Variants in LHFPL2 observed in about 807,000 individuals in gnomAD.
LHFPL2 encodes the protein LHFPL tetraspan subfamily member 2.
LHFPL2 carries 7 observed loss-of-function variants against 17.5 expected under a neutral mutation model. That is an observed-to-expected ratio of 0.40 (90% CI 0.23 to 0.75). The LOEUF (loss-of-function observed/expected upper bound fraction) is 0.75, where lower values mean the gene tolerates loss of function less well. Ranked by LOEUF, LHFPL2 falls within the 30% of genes least tolerant of loss-of-function variation. The pLI is 0.37. For synonymous variants in LHFPL2, 134 were observed against 116.2 expected (o/e 1.15, Z -0.99); for missense variants, 241 against 294.8 (o/e 0.82, Z 1.34).
chr5:78,585,361 C>T (rs1242750867), intron 2 of LHFPL2, among the ~76,000 whole-genome samples: 6 of 150,910 alleles, frequency 4.0e-5, no homozygotes, highest in East Asian at 2.0e-4. Flanking sequence ...GTGGGAGTGA[C>T]CCGATTTTCC....
Position 78,510,073 on chromosome 5 carries a change from C to G in LHFPL2, c.141G>C (p.Ala47=), listed in dbSNP as rs1755062741. The change falls in exon 4 of 5, where the codon GCG becomes GCC. Residue 47 remains alanine, a synonymous_variant. Coordinates refer to ENST00000380345, the MANE Select transcript of LHFPL2 (RefSeq NM_005779.3). Reference sequence around the variant, plus strand: ...GCTCCGGGGAGCCCCCGCCCGGGCCCGCCGGCTCCACGCCGCCGCGGCTCC... The same window carrying G: ...GCTCCGGGGAGCCCCCGCCCGGGCCGGCCGGCTCCACGCCGCCGCGGCTCC... The part of the protein sequence containing the change: ...KARSRGGVEP[A]GPGGGSPEPY... The G allele has an allele frequency of 1.9e-6, 3 of 1,612,054 alleles. No individual in the cohort carries two copies. The highest frequency in any genetic ancestry group is 2.5e-6 in the Non-Finnish European group (3 of 1,179,096).
In LHFPL2 at chr5:78,499,377, A is replaced by T. The variant is rs557097896; in HGVS notation, c.431-10224T>A. On this transcript the variant is annotated intron_variant, in intron 4 of 4. Coordinates refer to ENST00000380345, the MANE Select transcript of LHFPL2 (RefSeq NM_005779.3). ...TATAACTCATGCAGTCCTGATAGCA[A>T]TCCTATGAGGCTGATACTACTAATA... Among the ~76,000 whole-genome samples the T allele has an allele frequency of 2.0e-5, 3 of 152,326 alleles. No homozygotes were observed. The East Asian group carries it at 5.8e-4, about 29-fold the overall frequency.
At chr5:78,530,228 G>A (rs1456717277) in intron 3 of LHFPL2, among the ~76,000 whole-genome samples, 1 of 151,996 alleles carries the variant, frequency 6.6e-6, no homozygotes, top group Non-Finnish European at 1.5e-5. Context: ...GAAATACCAA[G>A]TGACTGTTAA....
At chr5:78,490,761 A>AAAAAAAAAAAAAAAAAC (rs1754415340) in intron 4 of LHFPL2, among the ~76,000 whole-genome samples, 1 of 151,546 alleles carries the variant, frequency 6.6e-6, no homozygotes, top group African/African-American at 2.4e-5. Context: ...AAAAAAAAAA[A>AAAAAAAAAAAAAAAAAC]AAAGCAAGAT....
intron 2 of LHFPL2, among the ~76,000 whole-genome samples, chr5:78,585,526 G>A (rs1489344251): frequency 1.3e-5 from 2 of 152,124 alleles, no homozygotes; most frequent in African/African-American, 4.8e-5. Context: ...CTAGTGAGAT[G>A]AACCCGGTAC....
Position 78,648,041 on chromosome 5 carries a change from C to G in LHFPL2, c.-350+458G>C, listed in dbSNP as rs1580892256. 1.3e-5 allele frequency among the ~76,000 whole-genome samples: 2 copies of G among 152,220 alleles called. No individual in the cohort carries two copies. Among genetic ancestry groups the G allele is most frequent in the Admixed American group, 1.3e-4 (2 of 15,304 alleles). ...AGCTGACGTCTGTGGCCAGAGTGAC[C>G]CACACGCCACGGACCAGGGACAGCA... On this transcript the variant is annotated intron_variant, in intron 1 of 4. Coordinates refer to ENST00000380345, the MANE Select transcript of LHFPL2 (RefSeq NM_005779.3). The surrounding 1 kb of genome is among the most constrained non-coding windows in gnomAD (Gnocchi z 5.4).
rs562328591 is a variant in LHFPL2, at chr5:78,535,289, C to T, written c.-185-24891G>A. Among the ~76,000 whole-genome samples, 374 of 152,312 alleles carry T rather than the reference C, an allele frequency of 2.5e-3. 1 individual carries two copies. The highest frequency in any genetic ancestry group is 0.01 in the Middle Eastern group (3 of 294). ...CAGGGTCCTGGCCTTCCACCCACCT[C>T]CTCCCTGAGCAAATCAGGGAGGACA... On this transcript the variant is annotated intron_variant, in intron 3 of 4. Transcript: ENST00000380345.
At chr5:78,500,932 A>G (rs1436105253) in intron 4 of LHFPL2, among the ~76,000 whole-genome samples, 1 of 152,194 alleles carries the variant, frequency 6.6e-6, no homozygotes, top group Non-Finnish European at 1.5e-5. Flanking sequence ...TCCAACACCT[A>G]TAAATTTACA....
In LHFPL2 at chr5:78,510,316, G is replaced by A. The variant is rs1755074880; in HGVS notation, c.-103C>T. On this transcript the variant is annotated 5_prime_UTR_variant, in exon 4 of 5. Coordinates refer to ENST00000380345, the MANE Select transcript of LHFPL2 (RefSeq NM_005779.3). ...CGGGCGGCCCGGGAAGGAAGTCGCA[G>A]CTGCAGTCATTCACTCCCGCCGCCG... 1.7e-6 allele frequency: 2 copies of A among 1,169,042 alleles called. No homozygotes were observed. Among genetic ancestry groups the A allele is most frequent in the Non-Finnish European group, 2.4e-6 (2 of 842,354 alleles). 72.4% of individuals were successfully genotyped at this position (1,169,042 alleles called of 1,614,324 possible). A position where few individuals can be genotyped will look rare whatever the true frequency, so the allele number is the denominator to read the frequency against.
chr5:78,608,353 T>C (rs1471549586), intron 2 of LHFPL2, among the ~76,000 whole-genome samples: 2 of 152,184 alleles, frequency 1.3e-5, no homozygotes, highest in African/African-American at 4.8e-5. Flanking sequence ...AGGAGCAATA[T>C]GAAAATATGG....
At chr5:78,494,352 G>T in intron 4 of LHFPL2, 1 of 985,194 alleles carries the variant, frequency 1.0e-6, no homozygotes, top group Non-Finnish European at 1.2e-6. Context: ...TCACCTGGAG[G>T]GCTGCTCACC....
chr5:78,648,281 C>T lies in LHFPL2; in HGVS notation c.-350+218G>A, dbSNP rs574444176. On this transcript the variant is annotated intron_variant, in intron 1 of 4. Coordinates refer to ENST00000380345, the MANE Select transcript of LHFPL2 (RefSeq NM_005779.3). The surrounding 1 kb of genome is among the most constrained non-coding windows in gnomAD (Gnocchi z 5.4). The stretch of plus-strand genomic sequence containing the variant: ...GCGCTGAGAAGCAGCTGTTCCCTTC[C>T]CATTCCCAGCACCCAACGCCCATCC... Among the ~76,000 whole-genome samples the T allele has an allele frequency of 2.6e-5, 4 of 152,200 alleles. No individual in the cohort carries two copies. The highest frequency in any genetic ancestry group is 9.6e-5 in the African/African-American group (4 of 41,556).
chr5:78,547,378 C>T (rs1232118945), intron 3 of LHFPL2, among the ~76,000 whole-genome samples: 2 of 152,186 alleles, frequency 1.3e-5, no homozygotes, highest in Non-Finnish European at 1.5e-5. Flanking sequence ...CATCAACTCC[C>T]CAAAAGCAAT....
chr5:78,625,229 A>C (rs887197305), intron 2 of LHFPL2: 1 of 142,484 alleles, frequency 7.0e-6, no homozygotes, highest in African/African-American at 2.7e-5. Context: ...ACACACACAC[A>C]CACCCCTCTA....
chr5:78,499,050 G>A (rs1754693868), intron 4 of LHFPL2, among the ~76,000 whole-genome samples: 1 of 152,162 alleles, frequency 6.6e-6, no homozygotes, highest in Non-Finnish European at 1.5e-5. Context: ...CATAATGGCA[G>A]TGTTGACCAG....
intron 2 of LHFPL2, among the ~76,000 whole-genome samples, chr5:78,565,698 T>C (rs899956951): frequency 2.0e-5 from 3 of 152,234 alleles, no homozygotes; most frequent in African/African-American, 4.8e-5. Context: ...CATTAACAGA[T>C]GGGGAAACTG....
intron 4 of LHFPL2, among the ~76,000 whole-genome samples, chr5:78,508,330 T>C (rs1315683931): frequency 6.6e-6 from 1 of 152,166 alleles, no homozygotes; most frequent in Non-Finnish European, 1.5e-5. Flanking sequence ...GAGTCACTTG[T>C]GGTGTGGCTG....
intron 3 of LHFPL2, among the ~76,000 whole-genome samples, chr5:78,533,564 A>G (rs1282926258): frequency 6.6e-6 from 1 of 152,232 alleles, no homozygotes; most frequent in African/African-American, 2.4e-5. Flanking sequence ...AACGCCCTCT[A>G]TGGCTAGAAC....
Position 78,638,257 on chromosome 5 carries a change from A to G in LHFPL2, c.-349-5889T>C, listed in dbSNP as rs531534781. Among the ~76,000 whole-genome samples, 48 of 152,302 alleles carry G rather than the reference A, an allele frequency of 3.2e-4. 2 individuals are homozygous for G. The highest frequency in any genetic ancestry group is 1.1e-3 in the African/African-American group (45 of 41,560). ...GTAGTCCCAGCTATTCGGGAGGCTG[A>G]GGCAGGAGAATGGTGTAACCAGGGA... On this transcript the variant is annotated intron_variant, in intron 1 of 4. Transcript: ENST00000380345.
Sources: allele counts gnomAD v4.1 joint callset (sites outside exome capture counted in the v4.1 genomes callset), GRCh38; gene constraint gnomAD v4.1.1; non-coding constraint Gnocchi (gnomAD v3.1); transcripts MANE v1.5; gene names NCBI Gene and HGNC (gene_info 2026-07-23, HGNC 2026-07-21).